The following LEMD3 variants were observed in gnomAD, a reference collection of about 807,000 sequenced individuals.
LEMD3 encodes inner nuclear membrane protein Man1.
A neutral mutation model predicts 95.2 loss-of-function variants in LEMD3; 33 were observed. That is an observed-to-expected ratio of 0.35 (90% confidence interval 0.26 to 0.46). LEMD3 has a LOEUF of 0.46. LEMD3 is among the 20% of genes least tolerant of loss of function. LEMD3 has a pLI of 1.00. For synonymous variants in LEMD3, 525 were observed against 474.6 expected (o/e 1.11, Z -1.38); for missense variants, 1,210 against 1,192.8 (o/e 1.01, Z -0.21).
In LEMD3 at chr12:65,214,732, A is replaced by C. The variant is rs547968906; in HGVS notation, c.1561-1245A>C. On this transcript the variant is annotated intron_variant, in intron 2 of 12. Transcript: ENST00000308330. ...TCATCCAGTAAATCTGTTTTGTTGG[A>C]AACTTCAGGAAGAAAGAAAGTAATA... Among the ~76,000 whole-genome samples, 49 of 152,326 alleles carry C rather than the reference A, an allele frequency of 3.2e-4. 1 individual carries two copies. The highest frequency in any genetic ancestry group is 1.1e-3 in the African/African-American group (44 of 41,582).
In LEMD3 at chr12:65,170,043, T is replaced by C. The variant is rs1565775489; in HGVS notation, c.447T>C (p.Ser149=). ...FSSDESDVEA[S]PRDQAGGGGR... is the part of the protein sequence containing the mutation. ...CGGACGAGTCGGACGTGGAGGCCAG[T>C]CCCCGGGACCAGGCCGGCGGCGGCG... is the stretch of plus-strand genomic sequence containing the variant. Residue 149 remains serine, a synonymous_variant, in exon 1 of 13, where the codon AGT becomes AGC. Coordinates refer to ENST00000308330, the MANE Select transcript of LEMD3 (RefSeq NM_014319.5). 1 of 1,516,696 alleles carries C rather than the reference T, an allele frequency of 6.6e-7. No homozygotes were observed. Among genetic ancestry groups the C allele is most frequent in the East Asian group, 2.5e-5 (1 of 40,328 alleles). The allele number at this position is 1,516,696 out of a possible 1,614,324, so 94.0% of individuals were successfully genotyped here.
At chr12:65,232,819 C>T (rs1434379645) in intron 4 of LEMD3, among the ~76,000 whole-genome samples, 2 of 152,058 alleles carry the variant, frequency 1.3e-5, no homozygotes, top group Non-Finnish European at 1.5e-5. Context: ...AATGGGTTTA[C>T]GTTCCTAGGT....
In LEMD3 at chr12:65,186,012, C is replaced by T. The variant is rs554169924; in HGVS notation, c.1522+14894C>T. On this transcript the variant is annotated intron_variant, in intron 1 of 12. Transcript: ENST00000308330. ...GCAGTATATTGTGTTATTTTATAAACGTGCTATTTTTTATTTCATGCTGAG... is the reference window on the plus strand; with the variant it reads ...GCAGTATATTGTGTTATTTTATAAATGTGCTATTTTTTATTTCATGCTGAG... Among the ~76,000 whole-genome samples, 10 of 152,048 alleles carry T rather than the reference C, an allele frequency of 6.6e-5. No homozygotes were observed. The South Asian group carries it at 2.1e-3, about 32-fold the overall frequency.
intron 4 of LEMD3, among the ~76,000 whole-genome samples, chr12:65,232,059 A>G (rs1211990538): frequency 6.6e-6 from 1 of 152,166 alleles, no homozygotes; most frequent in Admixed American, 6.5e-5. Flanking sequence ...ATAATCCTAA[A>G]AAGGAAATTA....
chr12:65,190,217 AAAAT>A (rs1869195384), intron 1 of LEMD3, among the ~76,000 whole-genome samples: 1 of 152,206 alleles, frequency 6.6e-6, no homozygotes, highest in South Asian at 2.1e-4. Flanking sequence ...AACCAAAAAT[AAAAT>A]TCGAAGGCCC....
chr12:65,172,345 A>G (rs1361598121), intron 1 of LEMD3, among the ~76,000 whole-genome samples: 7 of 152,156 alleles, frequency 4.6e-5, no homozygotes, highest in Admixed American at 4.6e-4. Context: ...CTGTATTTTT[A>G]TTTGTATTTA....
In LEMD3 at chr12:65,170,307, G is replaced by A; in HGVS notation, c.711G>A (p.Pro237=). 1 of 1,588,624 alleles carries A rather than the reference G, an allele frequency of 6.3e-7. No homozygotes were observed. Among genetic ancestry groups the A allele is most frequent in the Non-Finnish European group, 8.6e-7 (1 of 1,167,544 alleles). ...GEERDPETEE[P]LWASRTVNGS... is the part of the protein sequence containing the mutation. The stretch of plus-strand genomic sequence containing the variant: ...AGAGGGACCCGGAGACCGAGGAGCC[G>A]CTCTGGGCGAGCCGGACCGTGAATG... Residue 237 remains proline, a synonymous_variant, in exon 1 of 13, where the codon CCG becomes CCA. Transcript: ENST00000308330.
chr12:65,207,638 C>CA (rs1195606801), intron 1 of LEMD3, among the ~76,000 whole-genome samples: 1 of 151,944 alleles, frequency 6.6e-6, no homozygotes, highest in Non-Finnish European at 1.5e-5. Flanking sequence ...GTATACAGAA[C>CA]AAAAAATTGT....
At chr12:65,238,386 T>G in intron 4 of LEMD3, 116 bp from the exon 5 acceptor site, 1 of 687,742 alleles carries the variant, frequency 1.5e-6, no homozygotes, top group African/African-American at 1.8e-5. Flanking sequence ...CTGTAATGAA[T>G]ATTTTATGTT....
chr12:65,245,834 T>G (rs756876116), intron 11 of LEMD3, 27 bp from the exon 12 acceptor site: 4 of 1,558,768 alleles, frequency 2.6e-6, no homozygotes, highest in Middle Eastern at 1.7e-4. Flanking sequence ...AAACTAAGAC[T>G]ATTTTCTTTC....
At chr12:65,238,170 G>A (rs901911562) in intron 4 of LEMD3, among the ~76,000 whole-genome samples, 5 of 152,104 alleles carry the variant, frequency 3.3e-5, no homozygotes, top group African/African-American at 1.2e-4. Flanking sequence ...AACTACTTGG[G>A]AGGCTGAGGC....
At chr12:65,227,778 T>G (rs1870498303) in intron 4 of LEMD3, among the ~76,000 whole-genome samples, 1 of 151,792 alleles carries the variant, frequency 6.6e-6, no homozygotes, top group East Asian at 1.9e-4. Context: ...GTTAATGTAT[T>G]TTTTGTGTGG....
chr12:65,209,796 A>T (rs1398811224), intron 1 of LEMD3, among the ~76,000 whole-genome samples: 2 of 151,990 alleles, frequency 1.3e-5, no homozygotes, highest in Non-Finnish European at 2.9e-5. Flanking sequence ...AGCTGGTCTC[A>T]CATGAACTTT....
Position 65,245,506 on chromosome 12 carries a change from C to T in LEMD3, c.2388-163C>T, listed in dbSNP as rs576001008. ...GACTTCTGAATTGTAATTTTTAAAT[C>T]TACCTCCTGTTAGTCAACAAGCATT... On this transcript the variant is annotated intron_variant, in intron 10 of 12. Coordinates refer to ENST00000308330, the MANE Select transcript of LEMD3 (RefSeq NM_014319.5). 17 of 626,878 alleles carry T rather than the reference C, an allele frequency of 2.7e-5. No individual in the cohort carries two copies. In the East Asian group the frequency reaches 4.8e-4, roughly 18 times the overall value. The allele number at this position is 626,878 out of a possible 1,614,324, so 38.8% of individuals were successfully genotyped here. A position where few individuals can be genotyped will look rare whatever the true frequency, so the allele number is the denominator to read the frequency against.
rs182907720 is a variant in LEMD3 at position 65,191,199 on chromosome 12, C to T, written c.1523-19727C>T. On this transcript the variant is annotated intron_variant, in intron 1 of 12. Transcript: ENST00000308330. Reference sequence around the variant, plus strand: ...CTTGTTCAGAGTCTCTTCCATGAATCTCCTTGAAGACGAAACACTTTAGGA... The same window carrying T: ...CTTGTTCAGAGTCTCTTCCATGAATTTCCTTGAAGACGAAACACTTTAGGA... Among the ~76,000 whole-genome samples the T allele has an allele frequency of 2.9e-3, 445 of 152,084 alleles. 1 individual carries two copies. Among genetic ancestry groups the T allele is most frequent in the Middle Eastern group, 6.8e-3 (2 of 294 alleles).
chr12:65,231,725 AG>A (rs1246064446), intron 4 of LEMD3, among the ~76,000 whole-genome samples: 1 of 152,122 alleles, frequency 6.6e-6, no homozygotes, highest in African/African-American at 2.4e-5. Flanking sequence ...GGAAAATGAA[AG>A]GAAAAAAAGC....
chr12:65,224,730 C>T (rs1439004217), intron 4 of LEMD3, among the ~76,000 whole-genome samples: 2 of 152,136 alleles, frequency 1.3e-5, no homozygotes, highest in Non-Finnish European at 2.9e-5. Context: ...CATTAGGATT[C>T]ATTGGCTTCC....
At chr12:65,218,514 G>A (rs779186542) in intron 3 of LEMD3, 38 bp from the exon 4 acceptor site, 11 of 1,268,444 alleles carry the variant, frequency 8.7e-6, no homozygotes, top group African/African-American at 1.5e-5. Flanking sequence ...GTTTAAGAGA[G>A]TACTGATTCA....
At chr12:65,194,893 A>ATAATTTAT (rs1592438542) in intron 1 of LEMD3, among the ~76,000 whole-genome samples, 1 of 38,772 alleles carries the variant, frequency 2.6e-5, no homozygotes, top group Non-Finnish European at 4.5e-5. Context: ...TTATAAAATT[A>ATAATTTAT]AAATAAAATA....
Sources: gnomAD v4.1 joint callset for allele counts (sites outside exome capture counted in the v4.1 genomes callset) on GRCh38, gnomAD v4.1.1 for gene constraint, MANE v1.5 for transcripts, NCBI Gene and HGNC (gene_info 2026-07-23, HGNC 2026-07-21) for gene names.